Variants in MYL2 observed in about 807,000 individuals in gnomAD.
The protein encoded by MYL2 is myosin light chain 2.
Under a neutral mutation model 23.0 loss-of-function variants are expected in MYL2, and 19 were observed. The observed-to-expected ratio is 0.83, with a 90% CI of 0.58 to 1.21. The LOEUF (loss-of-function observed/expected upper bound fraction) is 1.21, where lower values mean the gene tolerates loss of function less well. Among genes scored for constraint, MYL2 ranks in the 50% most tolerant of loss-of-function variants. The pLI is 0.00. For missense variants in MYL2, 180 were observed against 215.1 expected (o/e 0.84, Z 1.02); for synonymous variants, 78 against 76.2 (o/e 1.02, Z -0.13).
intron 1 of MYL2, 142 bp downstream of exon 1, chr12:110,920,385 G>A (rs942621254): frequency 3.0e-5 from 35 of 1,162,802 alleles, no homozygotes; most frequent in Non-Finnish European, 4.2e-5. Flanking sequence ...CTCTGTGCCC[G>A]CGCAGTCAAT....
chr12:110,911,218 AACTGAG>A, intron 6 of MYL2, 43 bp from the exon 7 acceptor site: 1 of 881,326 alleles, frequency 1.1e-6, no homozygotes, highest in Non-Finnish European at 1.7e-6. Flanking sequence ...AGGGGAGGGG[AACTGAG>A]ACGGAGGGTG....
At chr12:110,913,898 G>A (rs1242769173) in intron 4 of MYL2, among the ~76,000 whole-genome samples, 1 of 152,090 alleles carries the variant, frequency 6.6e-6, no homozygotes, top group Non-Finnish European at 1.5e-5. Context: ...GACTACAGGT[G>A]CACACCACCA....
At position 110,913,440 on chromosome 12, in the gene MYL2, A is replaced by T. The variant is rs1195724958; in HGVS notation, c.275-116T>A. 22 of 1,057,192 alleles carry T rather than the reference A, an allele frequency of 2.1e-5. No homozygotes were observed. The South Asian group carries it at 2.6e-4, about 13-fold the overall frequency. The allele number at this position is 1,057,192 out of a possible 1,614,324, so 65.5% of individuals were successfully genotyped here. A position where few individuals can be genotyped will look rare whatever the true frequency, so the allele number is the denominator to read the frequency against. On this transcript the variant is annotated intron_variant, in intron 4 of 6. Coordinates refer to ENST00000228841, the MANE Select transcript of MYL2 (RefSeq NM_000432.4). ...AGGGGCCAGAGCAAGGCTGCTTTGCATGGAGGAAAAAGACCCTGCTTTCGT... is the reference window on the plus strand; with the variant it reads ...AGGGGCCAGAGCAAGGCTGCTTTGCTTGGAGGAAAAAGACCCTGCTTTCGT...
At chr12:110,917,472 T>C (rs752664759) in intron 2 of MYL2, among the ~76,000 whole-genome samples, 1 of 150,244 alleles carries the variant, frequency 6.7e-6, no homozygotes, top group Non-Finnish European at 1.5e-5. Context: ...GGTGAGTACC[T>C]GTAATCCCAT....
At chr12:110,912,021 G>A (rs2071655997) in intron 6 of MYL2, among the ~76,000 whole-genome samples, 1 of 152,200 alleles carries the variant, frequency 6.6e-6, no homozygotes, top group South Asian at 2.1e-4. Context: ...GAGGTGCAGT[G>A]AGGTTAAGGA....
At chr12:110,920,216 C>A (rs904463038) in intron 1 of MYL2, among the ~76,000 whole-genome samples, 1 of 152,184 alleles carries the variant, frequency 6.6e-6, no homozygotes, top group East Asian at 1.9e-4. Context: ...ACAATTTGAT[C>A]CTTAAAAGCA....
Position 110,911,159 on chromosome 12 carries a change from G to T in MYL2, c.419C>A (p.Ala140Asp). 1 of 1,608,914 alleles carries T rather than the reference G, an allele frequency of 6.2e-7. No individual in the cohort carries two copies. The highest frequency in any genetic ancestry group is 8.5e-7 in the Non-Finnish European group (1 of 1,177,322). The stretch of plus-strand genomic sequence containing the variant: ...GCCAGTCACGTCAGGGGGGAAGGCG[G>T]CGAACATCTGGTCAACCTGCAATGA... ...FSKEEVDQMF[A>D]AFPPDVTGNL... The change falls in exon 7 of 7, where the codon GCC (alanine) becomes GAC (aspartate). Residue 140 changes from alanine to aspartate, a missense_variant. Transcript: ENST00000228841.
chr12:110,919,501 C>G (rs1025555572), intron 1 of MYL2, among the ~76,000 whole-genome samples: 3 of 152,196 alleles, frequency 2.0e-5, no homozygotes, highest in African/African-American at 7.2e-5. Flanking sequence ...ACCTTCAGAT[C>G]GCCCCTGCAG....
In MYL2 at chr12:110,914,450, G is replaced by C. The variant is rs34254113; in HGVS notation, c.170-160C>G. The C allele has an allele frequency of 0.21, 142,051 of 679,122 alleles. 16,896 individuals carry two copies. Among genetic ancestry groups the C allele is most frequent in the Admixed American group, 0.31 (14,730 of 48,062 alleles). 42.1% of individuals were successfully genotyped at this position (679,122 alleles called of 1,614,324 possible). The stretch of plus-strand genomic sequence containing the variant: ...AGATCTTTTCTGAGAAGATGTTCTT[G>C]ACAGTGTTATTTATAATAACCAAAT... On this transcript the variant is annotated intron_variant, in intron 3 of 6. Transcript: ENST00000228841.
intron 2 of MYL2, among the ~76,000 whole-genome samples, chr12:110,917,505 A>AGAC (rs2071694737): frequency 6.7e-6 from 1 of 150,290 alleles, no homozygotes; most frequent in Admixed American, 6.6e-5. Context: ...ACAAACAAAC[A>AGAC]AACAAACAAA....
At chr12:110,919,282 T>C (rs1351920896) in intron 1 of MYL2, 89 bp from the exon 2 acceptor site, 1 of 1,076,678 alleles carries the variant, frequency 9.3e-7, no homozygotes, top group East Asian at 2.5e-5. Context: ...TTCATCTCTG[T>C]TGCAGGGCTC....
At chr12:110,912,411 G>GCA (rs1306748411) in intron 6 of MYL2, among the ~76,000 whole-genome samples, 4 of 152,226 alleles carry the variant, frequency 2.6e-5, no homozygotes, top group African/African-American at 9.6e-5. Context: ...ATTGTTCAGT[G>GCA]CACAACTCAC....
At chr12:110,911,823 AT>A (rs1284928826) in intron 6 of MYL2, among the ~76,000 whole-genome samples, 1 of 152,224 alleles carries the variant, frequency 6.6e-6, no homozygotes, top group South Asian at 2.1e-4. Context: ...TTTACACAAA[AT>A]TTCCCCATTT....
At chr12:110,917,554 A>G (rs1410827232) in intron 2 of MYL2, among the ~76,000 whole-genome samples, 1 of 152,166 alleles carries the variant, frequency 6.6e-6, no homozygotes, top group East Asian at 1.9e-4. Context: ...ACATGTTTTG[A>G]GTTCTTTGCA....
intron 6 of MYL2, among the ~76,000 whole-genome samples, chr12:110,912,417 C>T (rs11834754): frequency 0.014 from 2,087 of 152,352 alleles, 42 homozygotes; most frequent in African/African-American, 0.048. Context: ...CAGTGCACAA[C>T]TCACATGACA....
chr12:110,910,925 C>T lies in MYL2; in HGVS notation c.*152G>A. 4.1e-6 allele frequency: 3 copies of T among 739,178 alleles called. No homozygotes were observed. The highest frequency in any genetic ancestry group is 7.2e-6 in the Non-Finnish European group (3 of 417,280). 45.8% of individuals were successfully genotyped at this position (739,178 alleles called of 1,614,324 possible). On this transcript the variant is annotated 3_prime_UTR_variant, in exon 7 of 7. Coordinates refer to ENST00000228841, the MANE Select transcript of MYL2 (RefSeq NM_000432.4). ...ATGTGCGGCCACGAAGTACCCATAG[C>T]CACCCAGGCTGCAAAGAAGATGGAG...
chr12:110,921,125 G>A (rs762982039), upstream of MYL2, among the ~76,000 whole-genome samples: 2 of 152,236 alleles, frequency 1.3e-5, no homozygotes, highest in African/African-American at 2.4e-5. Flanking sequence ...GCGGGAGGCC[G>A]AGGCGGGAAG....
chr12:110,919,853 A>G (rs1297465236), intron 1 of MYL2, among the ~76,000 whole-genome samples: 1 of 152,226 alleles, frequency 6.6e-6, no homozygotes, highest in Non-Finnish European at 1.5e-5. Flanking sequence ...TAATTCTCAT[A>G]ACCACTCTGT....
Position 110,919,088 on chromosome 12 carries a change from C to A in MYL2, c.93+16G>T. 6.2e-7 allele frequency: 1 copy of A among 1,612,478 alleles called. No individual in the cohort carries two copies. The highest frequency in any genetic ancestry group is 8.5e-7 in the Non-Finnish European group (1 of 1,178,708). Reference sequence around the variant, plus strand: ...GGGATTTCCATCCAGGCGGATGATTCAATAGCTGCACCCACCTCCTTAAAT... The same window carrying A: ...GGGATTTCCATCCAGGCGGATGATTAAATAGCTGCACCCACCTCCTTAAAT... On this transcript the variant is annotated intron_variant, in intron 2 of 6. Coordinates refer to ENST00000228841, the MANE Select transcript of MYL2 (RefSeq NM_000432.4).
Sources: allele counts gnomAD v4.1 joint callset (sites outside exome capture counted in the v4.1 genomes callset), GRCh38; gene constraint gnomAD v4.1.1; transcripts MANE v1.5; gene names NCBI Gene and HGNC (gene_info 2026-07-23, HGNC 2026-07-21).